GPC5: variants seen among roughly 807,000 people sequenced by gnomAD.
The protein encoded by GPC5 is glypican 5.
Under a neutral mutation model 53.9 loss-of-function variants are expected in GPC5, and 47 were observed. The observed-to-expected ratio is 0.87, with a 90% confidence interval of 0.69 to 1.11. The LOEUF (loss-of-function observed/expected upper bound fraction) is 1.11. Among genes scored for constraint, GPC5 ranks in the 50% most tolerant of loss-of-function variants. The probability of loss-of-function intolerance (pLI) is 0.00; values close to 1 mark genes in which losing one functional copy is unlikely to be tolerated. For synonymous variants in GPC5, 286 were observed against 263.3 expected, an observed-to-expected ratio of 1.09 and a Z score of -0.84; for missense variants, 748 against 713.1, an observed-to-expected ratio of 1.05 and a Z score of -0.56.
chr13:91,739,172 A>T (rs1222684475), intron 4 of GPC5, among the ~76,000 whole-genome samples: 1 of 151,436 alleles, frequency 6.6e-6, no homozygotes, highest in African/African-American at 2.5e-5. Flanking sequence ...TAACTTCATA[A>T]CATTACACGT....
intron 6 of GPC5, among the ~76,000 whole-genome samples, chr13:92,125,972 T>TGAGATGAG (rs2041693619): frequency 8.3e-6 from 1 of 120,300 alleles, no homozygotes. Flanking sequence ...TTTTTTTTTT[T>TGAGATGAG]TGAGATGAGT....
At chr13:91,883,422 GT>G (rs1207340868) in intron 5 of GPC5, among the ~76,000 whole-genome samples, 2 of 152,198 alleles carry the variant, frequency 1.3e-5, no homozygotes, top group Admixed American at 6.5e-5. Flanking sequence ...ATATCAACCT[GT>G]TTTTGGACTA....
chr13:91,961,158 G>A (rs930376292), intron 6 of GPC5, among the ~76,000 whole-genome samples: 19 of 151,914 alleles, frequency 1.3e-4, no homozygotes, highest in African/African-American at 4.6e-4. Context: ...CTGACAAGTG[G>A]CTAATGTCCA....
intron 2 of GPC5, among the ~76,000 whole-genome samples, chr13:91,601,645 G>A (rs986887598): frequency 1.3e-5 from 2 of 152,064 alleles, no homozygotes; most frequent in South Asian, 2.1e-4. Context: ...CTCTGCATAC[G>A]AGGGATCTCG....
chr13:91,634,826 T>C (rs925044061), intron 2 of GPC5, among the ~76,000 whole-genome samples: 1 of 152,140 alleles, frequency 6.6e-6, no homozygotes, highest in Non-Finnish European at 1.5e-5. Context: ...AATAAATGCA[T>C]ATGATTAGGC....
intron 7 of GPC5, among the ~76,000 whole-genome samples, chr13:92,775,543 A>G (rs977500391): frequency 3.9e-5 from 6 of 152,200 alleles, no homozygotes; most frequent in Non-Finnish European, 5.9e-5. Context: ...ACTCAAATTC[A>G]GGCTAGAATC....
chr13:92,532,246 T>G (rs558403918), intron 7 of GPC5, among the ~76,000 whole-genome samples: 1 of 152,280 alleles, frequency 6.6e-6, no homozygotes, highest in African/African-American at 2.4e-5. Flanking sequence ...TTGACCTCAG[T>G]AAGACAATCA....
chr13:92,529,897 A>G (rs1347195447), intron 7 of GPC5, among the ~76,000 whole-genome samples: 1 of 151,908 alleles, frequency 6.6e-6, no homozygotes, highest in Non-Finnish European at 1.5e-5. Context: ...AACCTGGGCA[A>G]CATGGAAGAA....
intron 7 of GPC5, among the ~76,000 whole-genome samples, chr13:92,543,489 A>G (rs546924355): frequency 6.6e-6 from 1 of 152,080 alleles, no homozygotes; most frequent in South Asian, 2.1e-4. Context: ...CCAAGGTACT[A>G]GTTTCTCAGA....
intron 3 of GPC5, among the ~76,000 whole-genome samples, chr13:91,703,159 C>T (rs937687038): frequency 1.3e-5 from 2 of 151,894 alleles, no homozygotes; most frequent in South Asian, 2.1e-4. Flanking sequence ...ATTTGGATGC[C>T]TTTTATTGAG....
chr13:92,799,687 C>A (rs980126321), intron 7 of GPC5, among the ~76,000 whole-genome samples: 5 of 151,756 alleles, frequency 3.3e-5, no homozygotes, highest in African/African-American at 1.2e-4. Context: ...TTTACCAATG[C>A]CTGGGTTTGA....
intron 7 of GPC5, among the ~76,000 whole-genome samples, chr13:92,224,403 C>T (rs894882095): frequency 1.1e-4 from 16 of 152,158 alleles, no homozygotes; most frequent in African/African-American, 3.6e-4. Flanking sequence ...ATTTGTAACT[C>T]TCAACTGTAT....
At chr13:91,440,086 C>A (rs943514870) in intron 1 of GPC5, among the ~76,000 whole-genome samples, 1 of 151,954 alleles carries the variant, frequency 6.6e-6, no homozygotes, top group Non-Finnish European at 1.5e-5. Flanking sequence ...ATTCATTTGT[C>A]TTGGGGTTCA....
chr13:91,873,440 G>C (rs1440626532), intron 5 of GPC5, among the ~76,000 whole-genome samples: 2 of 152,138 alleles, frequency 1.3e-5, no homozygotes, highest in Non-Finnish European at 2.9e-5. Context: ...GGAGTAACCT[G>C]GTGGAAGTGA....
chr13:91,432,913 G>A (rs934405615), intron 1 of GPC5, among the ~76,000 whole-genome samples: 1 of 152,070 alleles, frequency 6.6e-6, no homozygotes, highest in African/African-American at 2.4e-5. Context: ...AGCTAAGACG[G>A]TGGCTTATTA....
At chr13:91,540,385 C>G (rs1009622558) in intron 2 of GPC5, among the ~76,000 whole-genome samples, 2 of 152,150 alleles carry the variant, frequency 1.3e-5, no homozygotes, top group Non-Finnish European at 2.9e-5. Context: ...CTGTATGATT[C>G]TATTTATGTA....
intron 3 of GPC5, among the ~76,000 whole-genome samples, chr13:91,716,909 A>G (rs1455826100): frequency 6.6e-6 from 1 of 152,202 alleles, no homozygotes; most frequent in Non-Finnish European, 1.5e-5. Flanking sequence ...ATTTGCGTAA[A>G]TGGCTATTAG....
intron 6 of GPC5, among the ~76,000 whole-genome samples, chr13:92,125,938 T>G (rs1236165371): frequency 2.6e-3 from 49 of 18,922 alleles, no homozygotes; most frequent in South Asian, 6.4e-3. Context: ...TTTTTTTTTT[T>G]TTTTTTTTTT....
At chr13:92,325,203 G>A (rs1020614413) in intron 7 of GPC5, among the ~76,000 whole-genome samples, 5 of 151,488 alleles carry the variant, frequency 3.3e-5, no homozygotes, top group East Asian at 3.9e-4. Flanking sequence ...AAGAGTCTCC[G>A]TATACACATC....
Sources: gnomAD v4.1 joint callset for allele counts (sites outside exome capture counted in the v4.1 genomes callset) on GRCh38, gnomAD v4.1.1 for gene constraint, MANE v1.5 for transcripts, NCBI Gene and HGNC (gene_info 2026-07-23, HGNC 2026-07-21) for gene names.